INSYN2A: variants seen among roughly 807,000 people sequenced by gnomAD.
The protein encoded by INSYN2A is family with sequence similarity 196 member A.
INSYN2A carries 17 observed loss-of-function variants against 39.4 expected under a neutral mutation model. That is an observed-to-expected ratio of 0.43 (90% CI 0.30 to 0.65). The LOEUF (loss-of-function observed/expected upper bound fraction) is 0.65, where lower values mean the gene tolerates loss of function less well. Ranked by LOEUF, INSYN2A falls within the 30% of genes least tolerant of loss-of-function variation. INSYN2A has a pLI of 0.14. For synonymous variants in INSYN2A, 255 were observed against 265.7 expected, an observed-to-expected ratio of 0.96 and a Z score of 0.39; for missense variants, 595 against 631.2, an observed-to-expected ratio of 0.94 and a Z score of 0.61.
chr10:127,153,115 C>T (rs1190769514), intron 5 of INSYN2A, among the ~76,000 whole-genome samples: 1 of 152,148 alleles, frequency 6.6e-6, no homozygotes, highest in Non-Finnish European at 1.5e-5. Flanking sequence ...CCAGTCTAAA[C>T]TTTAGAAAAA....
In INSYN2A at chr10:127,152,744, G is replaced by A. The variant is rs149980934; in HGVS notation, c.1256+1108C>T. ...TTCCAGACTTTGCAAATGGCCCATT[G>A]GTTCAGAACCTCTGAGGTTAAGGAA... On this transcript the variant is annotated intron_variant, in intron 5 of 5. Transcript: ENST00000522781. Among the ~76,000 whole-genome samples, 45 of 152,314 alleles carry A rather than the reference G, an allele frequency of 3.0e-4. No homozygotes were observed. The East Asian group carries it at 8.1e-3, about 27-fold the overall frequency.
At chr10:127,174,336 A>G (rs995226976) in intron 4 of INSYN2A, among the ~76,000 whole-genome samples, 7 of 152,166 alleles carry the variant, frequency 4.6e-5, no homozygotes, top group African/African-American at 1.7e-4. Context: ...ATCCAGGCGA[A>G]GTCCGATAAC....
intron 4 of INSYN2A, among the ~76,000 whole-genome samples, chr10:127,167,088 G>A (rs751879527): frequency 6.6e-6 from 1 of 151,944 alleles, no homozygotes; most frequent in Non-Finnish European, 1.5e-5. Flanking sequence ...TCATATTAGA[G>A]ATGGAAAGCC....
intron 5 of INSYN2A, among the ~76,000 whole-genome samples, chr10:127,151,766 C>T (rs1197437769): frequency 1.3e-5 from 2 of 152,174 alleles, no homozygotes; most frequent in African/African-American, 4.8e-5. Flanking sequence ...TTGGCAAATT[C>T]CTGTGGTGCT....
chr10:127,172,586 A>G (rs1010636365), intron 4 of INSYN2A, among the ~76,000 whole-genome samples: 2 of 152,156 alleles, frequency 1.3e-5, no homozygotes, highest in Admixed American at 1.3e-4. Context: ...GGGCCCCATA[A>G]GGTGGCCTTG....
chr10:127,181,058 A>C (rs372913679), intron 2 of INSYN2A, among the ~76,000 whole-genome samples: 2 of 152,334 alleles, frequency 1.3e-5, no homozygotes, highest in East Asian at 3.9e-4. Flanking sequence ...TATCAGAATA[A>C]GAAAAACCCA....
chr10:127,148,723 G>A (rs1205056188), intron 5 of INSYN2A, among the ~76,000 whole-genome samples: 1 of 152,162 alleles, frequency 6.6e-6, no homozygotes, highest in Non-Finnish European at 1.5e-5. Context: ...GATTATATTA[G>A]TAATTTATCC....
At chr10:127,145,824 T>C (rs1279359657) in intron 5 of INSYN2A, 4 of 344,860 alleles carry the variant, frequency 1.2e-5, no homozygotes, top group Non-Finnish European at 2.3e-5. Context: ...AACGTAGCAG[T>C]GATAGTTCTC....
chr10:127,176,300 C>T lies in INSYN2A; in HGVS notation c.96G>A (p.Leu32=), dbSNP rs141706041. ...GTTTTTTAATCTGCCGGTTGGGGTC[C>T]AGGGCGTATTTCATCTCCAGGGCCA... is the stretch of plus-strand genomic sequence containing the variant. ...ACLALEMKYA[L]DPNRQIKKRN... Residue 32 remains leucine, a synonymous_variant, in exon 4 of 6, where the codon CTG becomes CTA. Coordinates refer to ENST00000522781, the MANE Select transcript of INSYN2A (RefSeq NM_001039762.3). This position sits in a 1 kb window ranked among gnomAD's most constrained non-coding sequence, Gnocchi z 4.4. The T allele has an allele frequency of 3.1e-6, 5 of 1,614,104 alleles. No individual in the cohort carries two copies. Among genetic ancestry groups the T allele is most frequent in the African/African-American group, 1.3e-5 (1 of 75,034 alleles).
At chr10:127,152,795 A>G (rs147655320) in intron 5 of INSYN2A, among the ~76,000 whole-genome samples, 327 of 152,320 alleles carry the variant, frequency 2.1e-3, no homozygotes, top group Non-Finnish European at 3.5e-3. Context: ...TTCGGTGCCT[A>G]TCTCTACCTG....
chr10:127,152,342 C>T (rs1003908276), intron 5 of INSYN2A, among the ~76,000 whole-genome samples: 1 of 152,228 alleles, frequency 6.6e-6, no homozygotes, highest in Non-Finnish European at 1.5e-5. Context: ...CTGTTGCTAT[C>T]ATTGAGTTTC....
rs573888516 is a variant in INSYN2A, at chr10:127,182,167, G to C, written c.-268-5028C>G. Among the ~76,000 whole-genome samples the C allele has an allele frequency of 2.6e-5, 4 of 152,254 alleles. No homozygotes were observed. In the South Asian group the frequency reaches 8.3e-4, roughly 32 times the overall value. On this transcript the variant is annotated intron_variant, in intron 2 of 5. Transcript: ENST00000522781. ...ATTGCAGTGAAACCTCTGTCATTAA[G>C]AACTGATGACCACCTAGTCCAAAGC... is the stretch of plus-strand genomic sequence containing the variant.
chr10:127,195,760 C>T (rs1431090635), intron 1 of INSYN2A, among the ~76,000 whole-genome samples: 1 of 152,270 alleles, frequency 6.6e-6, no homozygotes, highest in East Asian at 2.0e-4. Context: ...CTCAGCGACC[C>T]GGTCGCGCCA....
intron 2 of INSYN2A, among the ~76,000 whole-genome samples, chr10:127,183,357 A>C (rs2055920675): frequency 6.6e-6 from 1 of 152,198 alleles, no homozygotes; most frequent in South Asian, 2.1e-4. Flanking sequence ...CTCGACCATC[A>C]GAATGGATCC....
rs1564871350 is a variant in INSYN2A at position 127,175,943 on chromosome 10, GTTC to G, written c.450_452del (p.Lys150del). 6.2e-7 allele frequency: 1 copy of G among 1,614,202 alleles called. No homozygotes were observed. Among genetic ancestry groups the G allele is most frequent in the Admixed American group, 1.7e-5 (1 of 60,026 alleles). On this transcript the variant is annotated inframe_deletion, in exon 4 of 6. Coordinates refer to ENST00000522781, the MANE Select transcript of INSYN2A (RefSeq NM_001039762.3). This position sits in a 1 kb window ranked among gnomAD's most constrained non-coding sequence, Gnocchi z 6.3. Reference sequence around the variant, plus strand: ...GGGCCTCCTCCATGGGTCCAGCCTCGTTCTTCTCTTTCGCATCTGTTAGAAACC... The same window carrying G: ...GGGCCTCCTCCATGGGTCCAGCCTCGTTCTCTTTCGCATCTGTTAGAAACC...
intron 2 of INSYN2A, among the ~76,000 whole-genome samples, chr10:127,185,916 G>A (rs1215516903): frequency 6.6e-6 from 1 of 152,170 alleles, no homozygotes; most frequent in Non-Finnish European, 1.5e-5. Context: ...TGTAGAAAAT[G>A]TGACTTGCTA....
chr10:127,188,012 A>T (rs952448695), intron 2 of INSYN2A, among the ~76,000 whole-genome samples: 2 of 152,206 alleles, frequency 1.3e-5, no homozygotes, highest in African/African-American at 4.8e-5. Context: ...AGTTTGTGGC[A>T]TACAAAAAGT....
intron 5 of INSYN2A, among the ~76,000 whole-genome samples, chr10:127,144,843 G>C (rs903775286): frequency 3.3e-5 from 5 of 152,122 alleles, no homozygotes; most frequent in African/African-American, 1.2e-4. Flanking sequence ...TATCACTGTA[G>C]GGCTTCAAAT....
chr10:127,145,004 T>G (rs192955471), intron 5 of INSYN2A, among the ~76,000 whole-genome samples: 20 of 152,306 alleles, frequency 1.3e-4, no homozygotes, highest in Admixed American at 9.8e-4. Context: ...CTATGAAGGA[T>G]CCAAAGTTAG....
Sources: allele counts gnomAD v4.1 joint callset (sites outside exome capture counted in the v4.1 genomes callset), GRCh38; gene constraint gnomAD v4.1.1; non-coding constraint Gnocchi (gnomAD v3.1); transcripts MANE v1.5; gene names NCBI Gene and HGNC (gene_info 2026-07-23, HGNC 2026-07-21).